Variants in ADAMTS16 observed in about 807,000 individuals in gnomAD.
ADAMTS16 encodes A disintegrin and metalloproteinase with thrombospondin motifs 16.
A neutral mutation model predicts 145.8 loss-of-function variants in ADAMTS16; 94 were observed. The observed-to-expected ratio is 0.64, with a 90% confidence interval of 0.55 to 0.77. ADAMTS16 has a LOEUF of 0.77. Ranked by LOEUF, ADAMTS16 falls within the 30% of genes least tolerant of loss-of-function variation. ADAMTS16 has a pLI of 0.00. For synonymous variants in ADAMTS16, 659 were observed against 604.3 expected, an observed-to-expected ratio of 1.09 and a Z score of -1.33; for missense variants, 1,585 against 1,591.5, an observed-to-expected ratio of 1.00 and a Z score of 0.07.
chr5:5,194,717 A>G (rs973116325), intron 8 of ADAMTS16, among the ~76,000 whole-genome samples: 2 of 152,198 alleles, frequency 1.3e-5, no homozygotes, highest in African/African-American at 4.8e-5. Context: ...TATTTTTGGA[A>G]GAAGGAATGA....
In ADAMTS16 at chr5:5,161,280, C is replaced by G. The variant is rs571984969; in HGVS notation, c.501+14825C>G. On this transcript the variant is annotated intron_variant, in intron 3 of 22. Transcript: ENST00000274181. ...AGATTTCACCTTCATCTTCTGCACT[C>G]TAAAATGGATTAGAGTTGGATACTT... Among the ~76,000 whole-genome samples, 4 of 152,306 alleles carry G rather than the reference C, an allele frequency of 2.6e-5. No homozygotes were observed. In the East Asian group the frequency reaches 7.7e-4, roughly 29 times the overall value.
In ADAMTS16 at chr5:5,216,609, AT is replaced by A. The variant is rs56086801; in HGVS notation, c.1606-6171del. On this transcript the variant is annotated intron_variant, in intron 10 of 22. Transcript: ENST00000274181. ...GTCATGAAATTCTTTTTTTTTTTCTATTTTTTTTTATTATACTTTAAGTTTT... is the reference window on the plus strand; with the variant it reads ...GTCATGAAATTCTTTTTTTTTTTCTATTTTTTTTATTATACTTTAAGTTTT... Among the ~76,000 whole-genome samples, 957 of 141,564 alleles carry A rather than the reference AT, an allele frequency of 6.8e-3. 10 individuals are homozygous for A. Among genetic ancestry groups the A allele is most frequent in the African/African-American group, 0.022 (848 of 38,916 alleles). The allele number at this position is 141,564 out of a possible 152,430, so 92.9% of individuals were successfully genotyped here. A position where few individuals can be genotyped will look rare whatever the true frequency, so the allele number is the denominator to read the frequency against.
chr5:5,215,912 AT>A (rs898306301), intron 10 of ADAMTS16, among the ~76,000 whole-genome samples: 6 of 124,694 alleles, frequency 4.8e-5, no homozygotes, highest in Non-Finnish European at 1.0e-4. Context: ...ATATATATAT[AT>A]ATCACAGTTT....
intron 14 of ADAMTS16, 62 bp downstream of exon 14, chr5:5,237,161 T>A (rs1737133566): frequency 6.4e-7 from 1 of 1,557,736 alleles, no homozygotes; most frequent in Non-Finnish European, 8.8e-7. Context: ...GTGTCAAGCA[T>A]CCTGTAGAGG....
intron 18 of ADAMTS16, among the ~76,000 whole-genome samples, chr5:5,280,928 C>A (rs916016853): frequency 1.3e-5 from 2 of 152,206 alleles, no homozygotes; most frequent in Non-Finnish European, 2.9e-5. Context: ...CCAAGCAAAC[C>A]AGCGCAGCTG....
chr5:5,268,735 A>G (rs2018951), intron 18 of ADAMTS16, among the ~76,000 whole-genome samples: 112,333 of 152,084 alleles, frequency 0.74, 41,534 homozygotes, highest in Middle Eastern at 0.84. Flanking sequence ...ATGTGAGCCT[A>G]TGCCCTCCAT....
chr5:5,261,255 A>T (rs750760097), intron 17 of ADAMTS16, among the ~76,000 whole-genome samples: 2 of 151,884 alleles, frequency 1.3e-5, no homozygotes, highest in Non-Finnish European at 2.9e-5. Flanking sequence ...ATCTCCCCTC[A>T]GCCTCCTGAG....
Position 5,319,738 on chromosome 5 carries a change from G to C in ADAMTS16, c.*600G>C, listed in dbSNP as rs896306502. ...CCGCCGGAGCCAGCGTCATCTCTAG[G>C]GTCACTGGCCAGGGGACTGCATTCT... On this transcript the variant is annotated 3_prime_UTR_variant, in exon 23 of 23. Coordinates refer to ENST00000274181, the MANE Select transcript of ADAMTS16 (RefSeq NM_139056.4). The C allele has an allele frequency of 5.1e-6, 2 of 394,422 alleles. No individual in the cohort carries two copies. Among genetic ancestry groups the C allele is most frequent in the African/African-American group, 4.2e-5 (2 of 47,434 alleles). 24.4% of individuals were successfully genotyped at this position (394,422 alleles called of 1,614,324 possible).
At chr5:5,288,749 G>C (rs1417942550) in intron 18 of ADAMTS16, among the ~76,000 whole-genome samples, 1 of 152,178 alleles carries the variant, frequency 6.6e-6, no homozygotes, top group Non-Finnish European at 1.5e-5. Context: ...ACTCACGTCA[G>C]ATTTTTCTCC....
intron 17 of ADAMTS16, among the ~76,000 whole-genome samples, chr5:5,249,590 GC>G (rs1400460250): frequency 1.3e-5 from 2 of 152,246 alleles, no homozygotes; most frequent in East Asian, 3.9e-4. Flanking sequence ...CTTTGCACGG[GC>G]CCTGCAGTAG....
intron 18 of ADAMTS16, among the ~76,000 whole-genome samples, chr5:5,280,543 C>T (rs533279625): frequency 5.9e-5 from 9 of 152,254 alleles, no homozygotes; most frequent in Admixed American, 2.6e-4. Flanking sequence ...TGGAATTTCC[C>T]GTTTAAACAC....
rs1472795762 is a variant in ADAMTS16 at position 5,251,075 on chromosome 5, C to CT, written c.2662+8886dup. ...GGCGTCAGCAAGACAGGATATCCAC[C>CT]TTCATGAAGGCTCAAATTTGCAAGT... is the stretch of plus-strand genomic sequence containing the variant. On this transcript the variant is annotated intron_variant, in intron 17 of 22. Coordinates refer to ENST00000274181, the MANE Select transcript of ADAMTS16 (RefSeq NM_139056.4). 2.0e-5 allele frequency among the ~76,000 whole-genome samples: 3 copies of CT among 152,154 alleles called. No homozygotes were observed. The East Asian group carries it at 5.8e-4, about 29-fold the overall frequency.
chr5:5,275,720 G>T (rs2126461082), intron 18 of ADAMTS16, among the ~76,000 whole-genome samples: 1 of 152,144 alleles, frequency 6.6e-6, no homozygotes, highest in East Asian at 1.9e-4. Context: ...AACACTACGG[G>T]CACCAGCTCC....
intron 20 of ADAMTS16, among the ~76,000 whole-genome samples, chr5:5,305,036 T>C (rs1489212772): frequency 7.9e-4 from 15 of 18,928 alleles, no homozygotes; most frequent in Admixed American, 1.2e-3. Context: ...CACACATCCA[T>C]CCCACACCAC....
chr5:5,297,347 C>T (rs923620598), intron 18 of ADAMTS16, among the ~76,000 whole-genome samples: 1 of 152,210 alleles, frequency 6.6e-6, no homozygotes, highest in African/African-American at 2.4e-5. Context: ...GCTCTTTCTT[C>T]CAGTCTTCCC....
At chr5:5,240,985 C>T (rs773595221) in intron 16 of ADAMTS16, among the ~76,000 whole-genome samples, 30 of 152,074 alleles carry the variant, frequency 2.0e-4, no homozygotes, top group Admixed American at 3.9e-4. Context: ...CTGTTCTCCA[C>T]GGAAGAAGAG....
chr5:5,318,134 T>G lies in ADAMTS16; in HGVS notation c.3412T>G (p.Cys1138Gly). The change falls in exon 22 of 23, where the codon TGC (cysteine) becomes GGC (glycine). Residue 1138 changes from cysteine (C) to glycine (G), a missense_variant and splice_region_variant. This residue lies in a region of ADAMTS16 where 834 missense variants were observed against 811.7 expected (regional missense o/e 1.03). Coordinates refer to ENST00000274181, the MANE Select transcript of ADAMTS16 (RefSeq NM_139056.4). ...GSWFASPWSQ[C>G]TASCGGGVQT... is the part of the protein sequence containing the mutation. ...TGACATGTGTGTGTTGCTCTCACAG[T>G]GCACGGCCAGCTGTGGGGGAGGCGT... The G allele has an allele frequency of 1.4e-6, 2 of 1,463,300 alleles. No homozygotes were observed. The highest frequency in any genetic ancestry group is 1.5e-5 in the South Asian group (1 of 68,938). 90.6% of individuals were successfully genotyped at this position (1,463,300 alleles called of 1,614,324 possible). A position where few individuals can be genotyped will look rare whatever the true frequency, so the allele number is the denominator to read the frequency against.
chr5:5,184,032 G>T (rs1378072715), intron 4 of ADAMTS16, among the ~76,000 whole-genome samples: 4 of 152,212 alleles, frequency 2.6e-5, no homozygotes, highest in Non-Finnish European at 4.4e-5. Context: ...CCTGGGGTAT[G>T]CAGGTGATAG....
chr5:5,262,911 AAGGGGACAAG>A, intron 18 of ADAMTS16, 128 bp downstream of exon 18: 1 of 1,370,792 alleles, frequency 7.3e-7, no homozygotes, highest in Non-Finnish European at 9.9e-7. Flanking sequence ...TGGAGAAGCA[AAGGGGACAAG>A]AGCTGCCTGG....
Sources: allele counts gnomAD v4.1 joint callset (sites outside exome capture counted in the v4.1 genomes callset), GRCh38; gene constraint gnomAD v4.1.1; regional missense constraint gnomAD v4.1.1; transcripts MANE v1.5; gene names NCBI Gene and HGNC (gene_info 2026-07-23, HGNC 2026-07-21).